Variants in EHD3 observed in about 807,000 individuals in gnomAD.
The protein encoded by EHD3 is EH domain containing 3, also known as EH domain-containing protein 3.
EHD3 carries 17 observed loss-of-function variants against 43.0 expected under a neutral mutation model. The ratio of observed to expected loss-of-function variants is 0.40; its 90% CI spans 0.27 to 0.59. EHD3 has a LOEUF of 0.59. Among genes scored for constraint, EHD3 ranks in the 20% least tolerant of loss-of-function variants. EHD3 has a pLI of 0.49. For synonymous variants in EHD3, 313 were observed against 289.5 expected (o/e 1.08, Z -0.82); for missense variants, 594 against 705.6 (o/e 0.84, Z 1.79).
chr2:31,265,629 GTTTT>G (rs1478905686), intron 5 of EHD3, among the ~76,000 whole-genome samples: 1 of 152,120 alleles, frequency 6.6e-6, no homozygotes, highest in Non-Finnish European at 1.5e-5. Context: ...GCCCTGTTTG[GTTTT>G]TGTTTTTGTT....
At chr2:31,245,451 A>G (rs1362509528) in intron 2 of EHD3, among the ~76,000 whole-genome samples, 1 of 150,982 alleles carries the variant, frequency 6.6e-6, no homozygotes, top group Non-Finnish European at 1.5e-5. Flanking sequence ...TGAATGGAAT[A>G]GGCATCTGCT....
chr2:31,234,750 C>T lies in EHD3; in HGVS notation c.129C>T (p.His43=). The stretch of plus-strand genomic sequence containing the variant: ...CCTTGGAAGAGCATTACCGCTTCCA[C>T]GAGTTCCACTCGCCCGCCCTGGAGG... ...LLPLEEHYRF[H]EFHSPALEDA... Residue 43 remains histidine (H), a synonymous_variant, in exon 1 of 6, where the codon CAC becomes CAT. Transcript: ENST00000322054. 6.2e-7 allele frequency: 1 copy of T among 1,614,222 alleles called. No individual in the cohort carries two copies. Among genetic ancestry groups the T allele is most frequent in the Non-Finnish European group, 8.5e-7 (1 of 1,180,042 alleles).
rs557678936 is a variant in EHD3 at position 31,249,195 on chromosome 2, GT to G, written c.405-174del. Among the ~76,000 whole-genome samples, 140 of 152,344 alleles carry G rather than the reference GT, an allele frequency of 9.2e-4. 1 individual carries two copies. The highest frequency in any genetic ancestry group is 1.5e-3 in the Non-Finnish European group (104 of 68,034). On this transcript the variant is annotated intron_variant, in intron 2 of 5. Coordinates refer to ENST00000322054, the MANE Select transcript of EHD3 (RefSeq NM_014600.3). ...TGTGGGGAGAGGCAAGAGGACTGGG[GT>G]TCAGCCCCGGGTCAGCTGTCAGCCA... is the stretch of plus-strand genomic sequence containing the variant.
At chr2:31,243,452 CTTTCTTTCTTTTT>C (rs1348614203) in intron 1 of EHD3, among the ~76,000 whole-genome samples, 2 of 34,820 alleles carry the variant, frequency 5.7e-5, no homozygotes, top group African/African-American at 1.9e-4. Context: ...TTCTTTCTTT[CTTTCTTTCTTTTT>C]TTTTTTTTGA....
Position 31,234,690 on chromosome 2 carries a change from G to C in EHD3, c.69G>C (p.Glu23Asp), listed in dbSNP as rs748420773. Residue 23 changes from glutamate (E) to aspartate (D), a missense_variant, in exon 1 of 6, where the codon GAG becomes GAC. By Grantham distance (45) the Glu-to-Asp change is conservative (BLOSUM62 2). This residue lies in a region of EHD3 where 243 missense variants were observed against 296.7 expected (regional missense o/e 0.82). Transcript: ENST00000322054. ...CCGAGGTTTTCCAGACGGTGAGTGA[G>C]GGGCTCAAGAAACTCTACAAGAGCA... ...KDPEVFQTVS[E>D]GLKKLYKSKL... The C allele has an allele frequency of 6.2e-7, 1 of 1,614,204 alleles. No individual in the cohort carries two copies. The highest frequency in any genetic ancestry group is 2.2e-5 in the East Asian group (1 of 44,876).
chr2:31,240,679 C>T (rs1683405976), intron 1 of EHD3, among the ~76,000 whole-genome samples: 1 of 152,250 alleles, frequency 6.6e-6, no homozygotes, highest in African/African-American at 2.4e-5. Flanking sequence ...CTTCACTCAT[C>T]TGCTGAGAAC....
chr2:31,247,768 G>T (rs1683554464), intron 2 of EHD3, among the ~76,000 whole-genome samples: 1 of 152,186 alleles, frequency 6.6e-6, no homozygotes, highest in South Asian at 2.1e-4. Flanking sequence ...GCCTGACGAG[G>T]CCTTTGTGGG....
In EHD3 at chr2:31,266,113, G is replaced by A. The variant is rs186136516; in HGVS notation, c.1081-64G>A. 115 of 1,533,622 alleles carry A rather than the reference G, an allele frequency of 7.5e-5. No homozygotes were observed. In the Admixed American group the frequency reaches 2.0e-3, roughly 26 times the overall value. On this transcript the variant is annotated intron_variant, in intron 5 of 5. Transcript: ENST00000322054. The surrounding 1 kb of genome is among the most constrained non-coding windows in gnomAD (Gnocchi z 5.1). The stretch of plus-strand genomic sequence containing the variant: ...ACATTCTGGTGCTCATAGGAGGCAC[G>A]TGATAAATGGAGGGCTCTCCTTTCA...
intron 1 of EHD3, among the ~76,000 whole-genome samples, chr2:31,243,460 CTT>C (rs1309146980): frequency 1.0e-4 from 10 of 98,470 alleles, no homozygotes; most frequent in Non-Finnish European, 1.7e-4. Context: ...TTCTTTCTTT[CTT>C]TTTTTTTTTT....
intron 2 of EHD3, among the ~76,000 whole-genome samples, chr2:31,245,547 A>ATATATC (rs781670785): frequency 4.0e-4 from 33 of 83,132 alleles, no homozygotes; most frequent in African/African-American, 2.0e-3. Flanking sequence ...ATATATATAT[A>ATATATC]TATATATTTT....
intron 1 of EHD3, among the ~76,000 whole-genome samples, chr2:31,237,606 T>C (rs1683346487): frequency 6.6e-6 from 1 of 152,212 alleles, no homozygotes. Context: ...GGTTTTGCCA[T>C]GTTAGGCAGA....
intron 3 of EHD3, among the ~76,000 whole-genome samples, chr2:31,257,860 G>C (rs1345007173): frequency 6.6e-6 from 1 of 152,142 alleles, no homozygotes; most frequent in African/African-American, 2.4e-5. Flanking sequence ...GTGTTCAAAA[G>C]AGAAGGCAAA....
At chr2:31,258,125 G>A (rs547524667) in intron 3 of EHD3, among the ~76,000 whole-genome samples, 9 of 152,272 alleles carry the variant, frequency 5.9e-5, no homozygotes, top group African/African-American at 2.2e-4. Context: ...AAAATCACAT[G>A]GCAATGGGAA....
intron 2 of EHD3, among the ~76,000 whole-genome samples, chr2:31,246,857 T>TGA (rs963468139): frequency 6.6e-6 from 1 of 152,036 alleles, no homozygotes; most frequent in Non-Finnish European, 1.5e-5. Flanking sequence ...GAAGAAGATC[T>TGA]GAGAGAGAAA....
rs1410494331 is a variant in EHD3, at chr2:31,234,757, C to T, written c.136C>T (p.His46Tyr). The change falls in exon 1 of 6, where the codon CAC (histidine) becomes TAC (tyrosine). Residue 46 changes from histidine (H) to tyrosine (Y), a missense_variant. This residue lies in a region of EHD3 where 243 missense variants were observed against 296.7 expected (regional missense o/e 0.82). Transcript: ENST00000322054. ...LEEHYRFHEF[H>Y]SPALEDADFD... is the part of the protein sequence containing the mutation. Reference sequence around the variant, plus strand: ...AGAGCATTACCGCTTCCACGAGTTCCACTCGCCCGCCCTGGAGGATGCCGA... The same window carrying T: ...AGAGCATTACCGCTTCCACGAGTTCTACTCGCCCGCCCTGGAGGATGCCGA... 6.2e-7 allele frequency: 1 copy of T among 1,614,236 alleles called. No individual in the cohort carries two copies. Among genetic ancestry groups the T allele is most frequent in the East Asian group, 2.2e-5 (1 of 44,860 alleles).
Position 31,240,131 on chromosome 2 carries a change from G to A in EHD3, c.228-4143G>A, listed in dbSNP as rs3769628. Among the ~76,000 whole-genome samples the A allele has an allele frequency of 3.2e-4, 48 of 152,266 alleles. No individual in the cohort carries two copies. The East Asian group carries it at 9.3e-3, about 30-fold the overall frequency. On this transcript the variant is annotated intron_variant, in intron 1 of 5. Coordinates refer to ENST00000322054, the MANE Select transcript of EHD3 (RefSeq NM_014600.3). ...ACTCATGCCTCAACTTGGCCGTGGA[G>A]AGTCTCCCATCCACTTTCTCGCTTG...
intron 5 of EHD3, among the ~76,000 whole-genome samples, chr2:31,262,688 C>A (rs192070719): frequency 2.6e-5 from 4 of 152,314 alleles, no homozygotes; most frequent in African/African-American, 9.6e-5. Flanking sequence ...GAAGCCGAGG[C>A]GGGCAGATCA....
chr2:31,257,769 T>G (rs1683779659), intron 3 of EHD3, among the ~76,000 whole-genome samples: 1 of 152,156 alleles, frequency 6.6e-6, no homozygotes, highest in Admixed American at 6.5e-5. Context: ...GAGGGAGGGT[T>G]GATGATGCCC....
At chr2:31,247,120 C>A (rs1683538136) in intron 2 of EHD3, among the ~76,000 whole-genome samples, 1 of 152,190 alleles carries the variant, frequency 6.6e-6, no homozygotes, top group South Asian at 2.1e-4. Flanking sequence ...TGGTCACAAA[C>A]TCCTGGCCTC....
Sources: allele counts gnomAD v4.1 joint callset (sites outside exome capture counted in the v4.1 genomes callset), GRCh38; gene constraint gnomAD v4.1.1; regional missense constraint gnomAD v4.1.1; non-coding constraint Gnocchi (gnomAD v3.1); transcripts MANE v1.5; gene names NCBI Gene and HGNC (gene_info 2026-07-23, HGNC 2026-07-21).